Variants in PSD2 observed in about 807,000 individuals in gnomAD.
PSD2 encodes the protein PH and SEC7 domain-containing protein 2.
Under a neutral mutation model 69.8 loss-of-function variants are expected in PSD2, and 38 were observed. The observed-to-expected ratio is 0.54, with a 90% CI of 0.42 to 0.71. The LOEUF (loss-of-function observed/expected upper bound fraction) is 0.71. Ranked by LOEUF, PSD2 falls within the 30% of genes least tolerant of loss-of-function variation. PSD2 has a pLI of 0.00. For missense variants in PSD2, 943 were observed against 1,014.5 expected, an observed-to-expected ratio of 0.93 and a Z score of 0.96; for synonymous variants, 412 against 423.0, an observed-to-expected ratio of 0.97 and a Z score of 0.32.
At chr5:139,744,139 A>G in the PSD2 span, among the ~76,000 whole-genome samples, 1 of 152,172 alleles carries the variant, frequency 6.6e-6, no homozygotes, top group Non-Finnish European at 1.5e-5. Flanking sequence ...CTGGGGAAGT[A>G]TGAGACGACC....
the PSD2 span, among the ~76,000 whole-genome samples, chr5:139,762,376 T>C: frequency 6.6e-6 from 1 of 151,682 alleles, no homozygotes; most frequent in Non-Finnish European, 1.5e-5. Flanking sequence ...AGGGTCTTGC[T>C]CTGTTGCCCA....
chr5:139,814,250 A>G lies in PSD2; in HGVS notation c.902A>G (p.Asp301Gly). The change falls in exon 4 of 15, where the codon GAC becomes GGC. Residue 301 changes from aspartate (D) to glycine (G), a missense_variant. Coordinates refer to ENST00000274710, the MANE Select transcript of PSD2 (RefSeq NM_032289.4). This position sits in a 1 kb window ranked among gnomAD's most constrained non-coding sequence, Gnocchi z 4.4. ...GAGGGGTTGGAGCCTGGTAGTGCAG[A>G]CCCTCTGGCCAACGGGTGCCAGGGG... is the stretch of plus-strand genomic sequence containing the variant. ...SSEGLEPGSA[D>G]PLANGCQGVS... 2 of 1,613,478 alleles carry G rather than the reference A, an allele frequency of 1.2e-6. No individual in the cohort carries two copies. The highest frequency in any genetic ancestry group is 8.5e-7 in the Non-Finnish European group (1 of 1,179,752).
the PSD2 span, among the ~76,000 whole-genome samples, chr5:139,762,594 T>A: frequency 3.3e-5 from 5 of 152,328 alleles, no homozygotes; most frequent in South Asian, 1.0e-3. Flanking sequence ...TTAGTTGAAG[T>A]ACCAGGTTGC....
chr5:139,839,150 C>T lies in PSD2; in HGVS notation c.1968+378C>T, dbSNP rs996552312. Among the ~76,000 whole-genome samples the T allele has an allele frequency of 2.0e-5, 3 of 152,252 alleles. No individual in the cohort carries two copies. The highest frequency in any genetic ancestry group is 4.4e-5 in the Non-Finnish European group (3 of 68,046). On this transcript the variant is annotated intron_variant, in intron 13 of 14. Coordinates refer to ENST00000274710, the MANE Select transcript of PSD2 (RefSeq NM_032289.4). The surrounding 1 kb of genome is among the most constrained non-coding windows in gnomAD (Gnocchi z 5.1). ...ATCCAGTGCTCTTTTGCTGCTCTCA[C>T]CTATTCTTAAATGTTTTATTTGTAA...
chr5:139,785,293 G>A, the PSD2 span, among the ~76,000 whole-genome samples: 4 of 150,060 alleles, frequency 2.7e-5, no homozygotes, highest in South Asian at 2.1e-4. Flanking sequence ...GTGCTATCTC[G>A]GCTTACTGCA....
At chr5:139,758,772 C>A in the PSD2 span, among the ~76,000 whole-genome samples, 8 of 152,280 alleles carry the variant, frequency 5.3e-5, no homozygotes, top group East Asian at 1.5e-3. Flanking sequence ...ATGCTTCCTC[C>A]AAGACCTGGC....
chr5:139,775,854 A>G, the PSD2 span, among the ~76,000 whole-genome samples: 3 of 152,220 alleles, frequency 2.0e-5, no homozygotes, highest in Non-Finnish European at 4.4e-5. Context: ...TTTTTAGTAG[A>G]GACGGAGTTT....
the PSD2 span, among the ~76,000 whole-genome samples, chr5:139,760,431 C>G: frequency 6.6e-6 from 1 of 152,160 alleles, no homozygotes. Context: ...GCCATTGCCC[C>G]TTCCTGTTCT....
chr5:139,762,881 G>T, the PSD2 span, among the ~76,000 whole-genome samples: 2 of 152,102 alleles, frequency 1.3e-5, no homozygotes, highest in South Asian at 2.1e-4. Context: ...GAGATGGCCT[G>T]GGGGGAGAGC....
chr5:139,837,726 G>A lies in PSD2; in HGVS notation c.1767G>A (p.Lys589=). Residue 589 remains lysine (K), a synonymous_variant, in exon 12 of 15, where the codon AAG becomes AAA. Transcript: ENST00000274710. This position sits in a 1 kb window ranked among gnomAD's most constrained non-coding sequence, Gnocchi z 5.0. ...LATRASDYSK[K]SNVLKLKTAD... is the part of the protein sequence containing the mutation. ...CCAGGGCCTCTGACTACAGCAAGAA[G>A]TCCAACGTGCTGAAGCTTAAGACAG... 6.2e-7 allele frequency: 1 copy of A among 1,614,116 alleles called. No homozygotes were observed.
Position 139,842,474 on chromosome 5 carries a change from G to A in PSD2, c.2316G>A (p.Ter772=). The A allele has an allele frequency of 6.2e-7, 1 of 1,612,100 alleles. No individual in the cohort carries two copies. The highest frequency in any genetic ancestry group is 8.5e-7 in the Non-Finnish European group (1 of 1,178,534). Residue 772 remains the stop codon, a stop_retained_variant, in exon 15 of 15, where the codon TAG becomes TAA. Coordinates refer to ENST00000274710, the MANE Select transcript of PSD2 (RefSeq NM_032289.4). Reference sequence around the variant, plus strand: ...AGGATGCCACTGGGCCTGATACTTAGCTGACATGGATTTGCAGACCCCAGG... The same window carrying A: ...AGGATGCCACTGGGCCTGATACTTAACTGACATGGATTTGCAGACCCCAGG... The part of the protein sequence containing the change: ...TTKDATGPDT[*]
At chr5:139,833,660 C>G in intron 7 of PSD2, 42 bp from the exon 8 acceptor site, 1 of 1,452,694 alleles carries the variant, frequency 6.9e-7, no homozygotes, top group Non-Finnish European at 9.7e-7. Flanking sequence ...AACACACCAG[C>G]CTCCTTCCCT....
At chr5:139,797,685 G>C (rs1461721125) in intron 1 of PSD2, among the ~76,000 whole-genome samples, 1 of 152,176 alleles carries the variant, frequency 6.6e-6, no homozygotes, top group Admixed American at 6.5e-5. Flanking sequence ...CACATATGGA[G>C]CATATGTGCT....
At chr5:139,759,350 C>G in the PSD2 span, among the ~76,000 whole-genome samples, 1 of 151,970 alleles carries the variant, frequency 6.6e-6, no homozygotes, top group South Asian at 2.1e-4. Flanking sequence ...GCCTCGTTTC[C>G]CCCACATTCT....
chr5:139,790,831 T>C (rs1278576233), upstream of PSD2, among the ~76,000 whole-genome samples: 1 of 151,902 alleles, frequency 6.6e-6, no homozygotes, highest in Admixed American at 6.6e-5. Flanking sequence ...CTGAGGTCAG[T>C]TGTTCAAGAC....
chr5:139,764,584 G>C, the PSD2 span, among the ~76,000 whole-genome samples: 1 of 152,142 alleles, frequency 6.6e-6, no homozygotes, highest in African/African-American at 2.4e-5. Context: ...ATGGCAACGC[G>C]GCATCTCGAG....
the PSD2 span, among the ~76,000 whole-genome samples, chr5:139,747,273 C>A: frequency 6.6e-6 from 1 of 152,166 alleles, no homozygotes; most frequent in African/African-American, 2.4e-5. This position sits in a 1 kb window ranked among gnomAD's most constrained non-coding sequence, Gnocchi z 6.7. Flanking sequence ...CCCGCACACA[C>A]ACACACCTCA....
chr5:139,756,042 C>A, the PSD2 span, among the ~76,000 whole-genome samples: 3 of 152,220 alleles, frequency 2.0e-5, no homozygotes, highest in African/African-American at 7.2e-5. Context: ...CCCTCCCGCG[C>A]CCCGCCAGGT....
At chr5:139,760,868 T>C in the PSD2 span, among the ~76,000 whole-genome samples, 1 of 152,058 alleles carries the variant, frequency 6.6e-6, no homozygotes, top group Non-Finnish European at 1.5e-5. Context: ...CTGATGATAA[T>C]GAAAATAATG....
Sources: allele counts gnomAD v4.1 joint callset (sites outside exome capture counted in the v4.1 genomes callset), GRCh38; gene constraint gnomAD v4.1.1; non-coding constraint Gnocchi (gnomAD v3.1); transcripts MANE v1.5; gene names NCBI Gene and HGNC (gene_info 2026-07-23, HGNC 2026-07-21).